Variants in DIP2B observed in about 807,000 individuals in gnomAD.
The protein encoded by DIP2B is DIP2 acetate--CoA ligase B (putative), also known as disco-interacting protein 2 homolog B.
Under a neutral mutation model 198.0 loss-of-function variants are expected in DIP2B, and 76 were observed. The ratio of observed to expected loss-of-function variants is 0.38; its 90% CI spans 0.32 to 0.46. The LOEUF (loss-of-function observed/expected upper bound fraction) is 0.46, where lower values mean the gene tolerates loss of function less well. DIP2B is among the 20% of genes least tolerant of loss of function. DIP2B has a pLI of 0.99. For synonymous variants in DIP2B, 701 were observed against 739.1 expected (o/e 0.95, Z 0.84); for missense variants, 1,559 against 1,978.4 (o/e 0.79, Z 4.02).
chr12:50,621,866 G>C (rs796094821), intron 1 of DIP2B, among the ~76,000 whole-genome samples: 4 of 152,264 alleles, frequency 2.6e-5, no homozygotes, highest in African/African-American at 9.6e-5. Context: ...TTCTTTGCTC[G>C]TTTGTGGATC....
intron 26 of DIP2B, among the ~76,000 whole-genome samples, chr12:50,722,301 T>TATTTTATTTTATTTTATTTTATTTTA (rs1276775656): frequency 6.7e-6 from 1 of 149,180 alleles, no homozygotes; most frequent in African/African-American, 2.5e-5. Flanking sequence ...TATTTTATTT[T>TATTTTATTTTATTTTATTTTATTTTA]TGAGACGGAG....
intron 2 of DIP2B, among the ~76,000 whole-genome samples, chr12:50,638,641 C>T (rs1337135100): frequency 6.6e-6 from 1 of 152,084 alleles, no homozygotes; most frequent in Non-Finnish European, 1.5e-5. Flanking sequence ...TATTTTAGCA[C>T]CCCAGGTAAT....
chr12:50,562,691 C>A (rs1958529677), intron 1 of DIP2B, among the ~76,000 whole-genome samples: 1 of 150,954 alleles, frequency 6.6e-6, no homozygotes, highest in Admixed American at 6.6e-5. Context: ...GAGCTGAGAT[C>A]ATGCCACTGC....
At chr12:50,509,638 A>G (rs1295641557) in intron 1 of DIP2B, among the ~76,000 whole-genome samples, 2 of 151,964 alleles carry the variant, frequency 1.3e-5, no homozygotes, top group African/African-American at 4.8e-5. Flanking sequence ...CTTCCTAGGA[A>G]TTGCAGTGAC....
chr12:50,606,312 G>A (rs1279670470), intron 1 of DIP2B, among the ~76,000 whole-genome samples: 1 of 151,694 alleles, frequency 6.6e-6, no homozygotes, highest in Non-Finnish European at 1.5e-5. Context: ...GTAGAGATGA[G>A]GTCTCACTAT....
At chr12:50,667,889 T>C (rs994865122) in intron 4 of DIP2B, among the ~76,000 whole-genome samples, 2 of 152,184 alleles carry the variant, frequency 1.3e-5, no homozygotes, top group African/African-American at 2.4e-5. Flanking sequence ...TATGGGTGCT[T>C]TCTGTACAGT....
At chr12:50,694,270 C>G (rs997509162) in intron 14 of DIP2B, among the ~76,000 whole-genome samples, 2 of 151,986 alleles carry the variant, frequency 1.3e-5, no homozygotes, top group African/African-American at 4.8e-5. Context: ...CCAAGGCAGG[C>G]GAATTACTTG....
chr12:50,532,289 C>T (rs1013005774), intron 1 of DIP2B, among the ~76,000 whole-genome samples: 1 of 151,930 alleles, frequency 6.6e-6, no homozygotes, highest in African/African-American at 2.4e-5. Flanking sequence ...CTGAGGCAGG[C>T]AGATCATTTA....
chr12:50,629,983 C>T (rs1593669497), intron 2 of DIP2B, among the ~76,000 whole-genome samples: 1 of 146,910 alleles, frequency 6.8e-6, no homozygotes, highest in South Asian at 2.1e-4. Flanking sequence ...ACAGTCCTTG[C>T]TCTGTCGCCA....
rs572769270 is a variant in DIP2B at position 50,748,400 on chromosome 12, T to C, written c.*3561T>C. ...GGTTTAGGTGTATGTAGTTGGGCCA[T>C]GTTACTTGTCCAGAGGAAGAGACTA... On this transcript the variant is annotated 3_prime_UTR_variant, in exon 38 of 38. Coordinates refer to ENST00000301180, the MANE Select transcript of DIP2B (RefSeq NM_173602.3). The C allele has an allele frequency of 2.0e-5, 3 of 152,792 alleles. No individual in the cohort carries two copies. Among genetic ancestry groups the C allele is most frequent in the Admixed American group, 1.3e-4 (2 of 15,306 alleles). 9.5% of individuals were successfully genotyped at this position (152,792 alleles called of 1,614,324 possible).
intron 1 of DIP2B, among the ~76,000 whole-genome samples, chr12:50,586,223 G>T (rs983422748): frequency 6.6e-6 from 1 of 152,198 alleles, no homozygotes; most frequent in East Asian, 1.9e-4. Flanking sequence ...TACAAAGGAG[G>T]TGAGCATTCA....
Position 50,670,416 on chromosome 12 carries a change from T to G in DIP2B, c.428-770T>G, listed in dbSNP as rs141516796. Among the ~76,000 whole-genome samples, 378 of 151,916 alleles carry G rather than the reference T, an allele frequency of 2.5e-3. 4 individuals are homozygous for G. Among genetic ancestry groups the G allele is most frequent in the Non-Finnish European group, 4.7e-3 (319 of 67,932 alleles). ...CACTGTTTGGCACGTATGTTTTTTGTTTTTTGTTTTTGTTTTTGAGTTGGA... is the reference window on the plus strand; with the variant it reads ...CACTGTTTGGCACGTATGTTTTTTGGTTTTTGTTTTTGTTTTTGAGTTGGA... On this transcript the variant is annotated intron_variant, in intron 4 of 37. Coordinates refer to ENST00000301180, the MANE Select transcript of DIP2B (RefSeq NM_173602.3).
At chr12:50,561,405 T>G (rs2139397812) in intron 1 of DIP2B, among the ~76,000 whole-genome samples, 1 of 152,312 alleles carries the variant, frequency 6.6e-6, no homozygotes, top group East Asian at 1.9e-4. Flanking sequence ...ACCTCCATCT[T>G]AGGTGATGGC....
intron 1 of DIP2B, among the ~76,000 whole-genome samples, chr12:50,565,568 A>G (rs1228734301): frequency 6.6e-6 from 1 of 152,056 alleles, no homozygotes; most frequent in Non-Finnish European, 1.5e-5. Flanking sequence ...TCATGTTCCC[A>G]TATTTCCATG....
intron 1 of DIP2B, among the ~76,000 whole-genome samples, chr12:50,565,360 ATCTCGGC>A (rs1958554824): frequency 6.6e-6 from 1 of 151,352 alleles, no homozygotes; most frequent in African/African-American, 2.4e-5. Context: ...CAGTGGTGCG[ATCTCGGC>A]TTACTCCAAG....
intron 5 of DIP2B, among the ~76,000 whole-genome samples, chr12:50,674,097 TA>T (rs1322267357): frequency 6.6e-6 from 1 of 152,186 alleles, no homozygotes; most frequent in Admixed American, 6.5e-5. Context: ...GCAATATTAG[TA>T]GCCAGTTATG....
At chr12:50,635,678 A>G (rs1383243247) in intron 2 of DIP2B, among the ~76,000 whole-genome samples, 3 of 152,214 alleles carry the variant, frequency 2.0e-5, no homozygotes, top group Non-Finnish European at 4.4e-5. Context: ...CTTGTGTTTT[A>G]TTCTCTCTCT....
chr12:50,620,255 CAGGCTCA>C (rs2139461946), intron 1 of DIP2B, among the ~76,000 whole-genome samples: 1 of 152,318 alleles, frequency 6.6e-6, no homozygotes, highest in African/African-American at 2.4e-5. Context: ...GGGTGGCTGG[CAGGCTCA>C]CGCACGCCTC....
At chr12:50,642,202 A>G (rs1938268212) in intron 3 of DIP2B, among the ~76,000 whole-genome samples, 1 of 152,206 alleles carries the variant, frequency 6.6e-6, no homozygotes, top group Non-Finnish European at 1.5e-5. Context: ...TCAGAGAACA[A>G]AGACATCCAA....
Sources: gnomAD v4.1 joint callset for allele counts (sites outside exome capture counted in the v4.1 genomes callset) on GRCh38, gnomAD v4.1.1 for gene constraint, MANE v1.5 for transcripts, NCBI Gene and HGNC (gene_info 2026-07-23, HGNC 2026-07-21) for gene names.